The following TTK variants were observed in gnomAD, a reference collection of about 807,000 sequenced individuals.
TTK encodes the protein TTK protein kinase, also known as dual specificity protein kinase TTK.
A neutral mutation model predicts 117.3 loss-of-function variants in TTK; 59 were observed. The observed-to-expected ratio is 0.50, with a 90% CI of 0.41 to 0.62. The LOEUF is 0.62. Ranked by LOEUF, TTK falls within the 20% of genes least tolerant of loss-of-function variation. TTK has a pLI of 0.00. For missense variants in TTK, 921 were observed against 989.4 expected (o/e 0.93, Z 0.93); for synonymous variants, 302 against 325.0 (o/e 0.93, Z 0.76).
At chr6:80,011,313 TCTTA>T (rs1489866368) in intron 5 of TTK, 117 bp from the exon 6 acceptor site, 2 of 625,828 alleles carry the variant, frequency 3.2e-6, no homozygotes, top group Admixed American at 3.7e-5. Flanking sequence ...TGTCTGCATA[TCTTA>T]CTTGGGGACA....
chr6:80,022,237 T>C (rs958963163), intron 10 of TTK, 87 bp from the exon 11 acceptor site: 1 of 1,375,348 alleles, frequency 7.3e-7, no homozygotes. Context: ...TAAATACTCA[T>C]ATAGTTTGTA....
Position 80,027,945 on chromosome 6 carries a change from T to A in TTK, c.1455T>A (p.Tyr485Ter). The change falls in exon 13 of 22, where the codon TAT becomes TAA. Residue 485 changes from tyrosine (Y) to a stop codon, truncating the protein, a stop_gained. Transcript: ENST00000369798. LOFTEE classifies it high-confidence loss of function. The stretch of plus-strand genomic sequence containing the variant: ...CTGCTTGTCAGTTGTCAACACCTTA[T>A]GGCCAACCTGCCTGTTTCCAGCAGC... ...FPPACQLSTP[Y>*]GQPACFQQQQ... The A allele has an allele frequency of 1.9e-6, 3 of 1,609,182 alleles. No individual in the cohort carries two copies. Among genetic ancestry groups the A allele is most frequent in the Non-Finnish European group, 8.5e-7 (1 of 1,177,134 alleles).
intron 13 of TTK, among the ~76,000 whole-genome samples, chr6:80,028,571 G>GC (rs1266805188): frequency 1.3e-5 from 2 of 151,982 alleles, no homozygotes; most frequent in South Asian, 2.1e-4. Context: ...GCCCGCCTCA[G>GC]CCCCCCAAAG....
chr6:80,021,204 A>G (rs913556300), intron 10 of TTK, among the ~76,000 whole-genome samples: 1 of 152,200 alleles, frequency 6.6e-6, no homozygotes, highest in African/African-American at 2.4e-5. Flanking sequence ...AAGGGAAGGG[A>G]AGGAAAAATC....
chr6:80,022,682 G>A (rs1314987744), intron 11 of TTK, among the ~76,000 whole-genome samples: 2 of 152,212 alleles, frequency 1.3e-5, no homozygotes, highest in African/African-American at 4.8e-5. Flanking sequence ...ATCTTCGATA[G>A]TGTTTCTAGA....
At chr6:80,031,690 C>A in intron 14 of TTK, 131 bp downstream of exon 14, 1 of 532,834 alleles carries the variant, frequency 1.9e-6, no homozygotes, top group South Asian at 3.5e-5. Flanking sequence ...AAAAAGCCAT[C>A]TTAACACCTG....
At chr6:80,026,715 T>C (rs1767618295) in intron 12 of TTK, among the ~76,000 whole-genome samples, 1 of 152,200 alleles carries the variant, frequency 6.6e-6, no homozygotes. Flanking sequence ...TTTTTAAGGA[T>C]TGTTGTGCAT....
chr6:80,011,708 G>A, intron 6 of TTK, 21 bp from the exon 7 acceptor site: 2 of 1,610,302 alleles, frequency 1.2e-6, no homozygotes, highest in Non-Finnish European at 1.7e-6. Context: ...GAAAAATTGG[G>A]GGTATTTTCT....
rs543283063 is a variant in TTK at position 80,011,968 on chromosome 6, G to A, written c.884G>A (p.Cys295Tyr). The change falls in exon 8 of 22, where the codon TGT (cysteine) becomes TAT (tyrosine). Residue 295 changes from cysteine to tyrosine, a missense_variant. Transcript: ENST00000369798. ...DVKTDDSVVPCFMKRQTSRSE... is the reference protein window; with the variant it reads ...DVKTDDSVVPYFMKRQTSRSE... ...AAGACAGATGATTCAGTTGTACCTT[G>A]TTTTATGAAAAGGTATGTTGAGTTT... 1 of 1,607,722 alleles carries A rather than the reference G, an allele frequency of 6.2e-7. No individual in the cohort carries two copies.
chr6:80,020,787 C>T lies in TTK; in HGVS notation c.1109-1537C>T, dbSNP rs1767438441. 2.6e-5 allele frequency among the ~76,000 whole-genome samples: 4 copies of T among 152,350 alleles called. No homozygotes were observed. The South Asian group carries it at 8.3e-4, about 32-fold the overall frequency. On this transcript the variant is annotated intron_variant, in intron 10 of 21. Transcript: ENST00000369798. ...ATTTCTTCCCTAGCGGGGAGAGGAG[C>T]AGCCTATCTTGCTGCTTTCTAGTCT...
At chr6:80,027,521 T>C (rs1767636927) in intron 12 of TTK, among the ~76,000 whole-genome samples, 1 of 152,166 alleles carries the variant, frequency 6.6e-6, no homozygotes. Context: ...CTTTCTGATA[T>C]TTCTAGCAAG....
At position 80,040,693 on chromosome 6, in the gene TTK, A is replaced by G; in HGVS notation, c.2480A>G (p.Lys827Arg). The G allele has an allele frequency of 6.2e-7, 1 of 1,611,302 alleles. No individual in the cohort carries two copies. ...VGLNSPNSIL[K>R]AAKTLYEHYS... ...CTGAATTCTCCTAACTCCATTTTGA[A>G]AGCTGCTAAAGTAAGTATGTCTATT... The change falls in exon 21 of 22, where the codon AAA becomes AGA. Residue 827 changes from lysine to arginine, a missense_variant. Transcript: ENST00000369798.
At chr6:80,018,382 G>A (rs1436725005) in intron 10 of TTK, among the ~76,000 whole-genome samples, 2 of 151,688 alleles carry the variant, frequency 1.3e-5, no homozygotes, top group African/African-American at 4.8e-5. Flanking sequence ...TTGGGAGGCC[G>A]AGGCAGGCAG....
intron 10 of TTK, among the ~76,000 whole-genome samples, chr6:80,020,790 C>T (rs777499504): frequency 1.3e-5 from 2 of 152,198 alleles, no homozygotes; most frequent in Non-Finnish European, 2.9e-5. Context: ...AGAGGAGCAG[C>T]CTATCTTGCT....
At chr6:80,011,056 G>T in intron 5 of TTK, 99 bp downstream of exon 5, 5 of 1,312,360 alleles carry the variant, frequency 3.8e-6, no homozygotes, top group African/African-American at 1.5e-5. Flanking sequence ...ATGTAGAATG[G>T]TTAAAATCTA....
At chr6:80,015,293 T>C (rs541502267) in intron 10 of TTK, among the ~76,000 whole-genome samples, 7 of 152,110 alleles carry the variant, frequency 4.6e-5, no homozygotes, top group African/African-American at 1.7e-4. Context: ...GTAACATGGG[T>C]AGTGTGCAAA....
chr6:80,022,265 G>C (rs1213232912), intron 10 of TTK, 59 bp from the exon 11 acceptor site: 2 of 1,542,436 alleles, frequency 1.3e-6, no homozygotes, highest in African/African-American at 2.8e-5. Flanking sequence ...CTGTTGTTTA[G>C]GCTTAGTTTA....
chr6:80,022,094 G>A (rs1373163824), intron 10 of TTK, among the ~76,000 whole-genome samples: 2 of 152,158 alleles, frequency 1.3e-5, no homozygotes, highest in African/African-American at 4.8e-5. Context: ...CAAGGTCTCT[G>A]ACAAAGTTCT....
intron 11 of TTK, among the ~76,000 whole-genome samples, chr6:80,023,704 CTG>C (rs1192625075): frequency 6.6e-6 from 1 of 152,148 alleles, no homozygotes; most frequent in African/African-American, 2.4e-5. Context: ...AAGAGTAGCA[CTG>C]TGTTAGAGTT....
Sources: allele counts gnomAD v4.1 joint callset (sites outside exome capture counted in the v4.1 genomes callset), GRCh38; gene constraint gnomAD v4.1.1; transcripts MANE v1.5; gene names NCBI Gene and HGNC (gene_info 2026-07-23, HGNC 2026-07-21).